PCMTD1: variants seen among roughly 807,000 people sequenced by gnomAD.
PCMTD1 encodes protein-L-isoaspartate (D-aspartate) O-methyltransferase domain containing 1.
In PCMTD1, 12 loss-of-function variants were observed where a neutral mutation model predicts 37.6. The observed-to-expected ratio is 0.32, with a 90% CI of 0.20 to 0.52. The LOEUF (loss-of-function observed/expected upper bound fraction) is 0.52. PCMTD1 is among the 20% of genes least tolerant of loss of function. The probability of loss-of-function intolerance (pLI) is 0.97; values close to 1 mark genes in which losing one functional copy is unlikely to be tolerated. For synonymous variants in PCMTD1, 117 were observed against 135.8 expected (o/e 0.86, Z 0.96); for missense variants, 235 against 421.3 (o/e 0.56, Z 3.87).
At chr8:51,871,073 T>C (rs937164007) in intron 1 of PCMTD1, among the ~76,000 whole-genome samples, 1 of 152,230 alleles carries the variant, frequency 6.6e-6, no homozygotes, top group Non-Finnish European at 1.5e-5. Context: ...CTTTCATTTC[T>C]GTGACAGAAA....
chr8:51,862,951 T>C (rs1289269418), intron 1 of PCMTD1, among the ~76,000 whole-genome samples: 1 of 152,166 alleles, frequency 6.6e-6, no homozygotes, highest in Non-Finnish European at 1.5e-5. Context: ...CAATAGGAGA[T>C]GCCAATTCAC....
At chr8:51,894,232 CTG>C (rs2038971473) in intron 1 of PCMTD1, among the ~76,000 whole-genome samples, 1 of 152,134 alleles carries the variant, frequency 6.6e-6, no homozygotes, top group East Asian at 1.9e-4. Flanking sequence ...TAAAGTAAAA[CTG>C]AAGTTTACAT....
At chr8:51,859,274 C>T in intron 2 of PCMTD1, among the ~76,000 whole-genome samples, 1 of 151,862 alleles carries the variant, frequency 6.6e-6, no homozygotes, top group Non-Finnish European at 1.5e-5. Context: ...TCTCCCTACT[C>T]TCACCTCTAG....
intron 1 of PCMTD1, among the ~76,000 whole-genome samples, chr8:51,882,853 C>T (rs895335721): frequency 2.0e-5 from 3 of 149,530 alleles, no homozygotes; most frequent in African/African-American, 4.9e-5. Context: ...AACGGCCGGA[C>T]GCAGTGGCTC....
At chr8:51,831,024 C>A (rs188650750) in intron 5 of PCMTD1, among the ~76,000 whole-genome samples, 1 of 151,058 alleles carries the variant, frequency 6.6e-6, no homozygotes, top group Non-Finnish European at 1.5e-5. Context: ...AGGCCCAGTG[C>A]GGGTGGCTCA....
At chr8:51,885,031 T>C (rs537108141) in intron 1 of PCMTD1, among the ~76,000 whole-genome samples, 2 of 152,334 alleles carry the variant, frequency 1.3e-5, no homozygotes, top group Admixed American at 6.5e-5. Context: ...CTGCTCAAAT[T>C]ACTGCATGAT....
chr8:51,820,138 C>G lies in PCMTD1; in HGVS notation c.*213G>C. ...TTGAAATCACTCTGAGCTAAAACAA[C>G]ATTTTTCCAAGATTTAAAGAAAAAT... On this transcript the variant is annotated 3_prime_UTR_variant, in exon 6 of 6. Transcript: ENST00000522514. 2.5e-6 allele frequency: 1 copy of G among 394,280 alleles called. No individual in the cohort carries two copies. The highest frequency in any genetic ancestry group is 4.3e-6 in the Non-Finnish European group (1 of 231,208). 24.4% of individuals were successfully genotyped at this position (394,280 alleles called of 1,614,324 possible).
At chr8:51,842,145 C>G (rs554496091) in intron 3 of PCMTD1, among the ~76,000 whole-genome samples, 2 of 152,288 alleles carry the variant, frequency 1.3e-5, no homozygotes, top group East Asian at 1.9e-4. Flanking sequence ...ATACATCAGA[C>G]ATGAAACTTC....
chr8:51,851,290 C>G (rs1284857738), intron 2 of PCMTD1, among the ~76,000 whole-genome samples: 2 of 152,126 alleles, frequency 1.3e-5, no homozygotes, highest in Admixed American at 6.5e-5. Flanking sequence ...CAGTCAATGG[C>G]TATGTAAATG....
At chr8:51,833,734 A>G in intron 3 of PCMTD1, 45 bp from the exon 4 acceptor site, 1 of 1,538,754 alleles carries the variant, frequency 6.5e-7, no homozygotes, top group South Asian at 1.2e-5. Flanking sequence ...GCAAAACATT[A>G]GATCTAAAAA....
chr8:51,856,137 T>C (rs1387228398), intron 2 of PCMTD1, among the ~76,000 whole-genome samples: 1 of 152,114 alleles, frequency 6.6e-6, no homozygotes, highest in Non-Finnish European at 1.5e-5. Context: ...GATAAAGACT[T>C]ATATCCAAAA....
rs1477096339 is a variant in PCMTD1, at chr8:51,851,687, C to T, written c.308-5924G>A. Among the ~76,000 whole-genome samples, 25 of 147,970 alleles carry T rather than the reference C, an allele frequency of 1.7e-4. 1 individual carries two copies. Among genetic ancestry groups the T allele is most frequent in the Non-Finnish European group, 1.0e-4 (7 of 67,372 alleles). ...TTTTTTTTTTTGAGATGGAGTTTTG[C>T]GCTTATTACCCAGGCTGGAGTGCAA... is the stretch of plus-strand genomic sequence containing the variant. On this transcript the variant is annotated intron_variant, in intron 2 of 5. Transcript: ENST00000522514.
chr8:51,860,467 C>A, intron 2 of PCMTD1: 1 of 167,472 alleles, frequency 6.0e-6, no homozygotes, highest in South Asian at 1.6e-4. Flanking sequence ...ATCCCACATT[C>A]TCCTGTCTCT....
chr8:51,875,797 T>C (rs1204795852), intron 1 of PCMTD1, among the ~76,000 whole-genome samples: 1 of 152,096 alleles, frequency 6.6e-6, no homozygotes, highest in Non-Finnish European at 1.5e-5. Context: ...CCAGGCATGG[T>C]GGCACATACC....
chr8:51,889,865 CGTGTGTGTGT>C (rs3075018), intron 1 of PCMTD1, among the ~76,000 whole-genome samples: 26 of 149,126 alleles, frequency 1.7e-4, no homozygotes, highest in South Asian at 4.3e-4. Flanking sequence ...TAAGGATATA[CGTGTGTGTGT>C]GTGTGTGTGT....
At chr8:51,873,660 T>G (rs1268384188) in intron 1 of PCMTD1, among the ~76,000 whole-genome samples, 1 of 151,838 alleles carries the variant, frequency 6.6e-6, no homozygotes, top group Non-Finnish European at 1.5e-5. Flanking sequence ...TGATAGGGAG[T>G]GAGTTCTCCT....
At chr8:51,884,324 G>C (rs192395624) in intron 1 of PCMTD1, among the ~76,000 whole-genome samples, 1 of 152,286 alleles carries the variant, frequency 6.6e-6, no homozygotes, top group African/African-American at 2.4e-5. Context: ...GAGAATACCG[G>C]AAGCAAGCAG....
chr8:51,889,865 C>CGTGTGTGT (rs3075018), intron 1 of PCMTD1, among the ~76,000 whole-genome samples: 7 of 149,132 alleles, frequency 4.7e-5, no homozygotes, highest in South Asian at 2.1e-4. Context: ...TAAGGATATA[C>CGTGTGTGT]GTGTGTGTGT....
intron 1 of PCMTD1, among the ~76,000 whole-genome samples, chr8:51,868,180 G>C (rs200860266): frequency 6.6e-6 from 1 of 151,976 alleles, no homozygotes; most frequent in Non-Finnish European, 1.5e-5. Flanking sequence ...GGTGTGGGGG[G>C]GTGTGGGAGA....
Sources: gnomAD v4.1 joint callset for allele counts (sites outside exome capture counted in the v4.1 genomes callset) on GRCh38, gnomAD v4.1.1 for gene constraint, MANE v1.5 for transcripts, NCBI Gene and HGNC (gene_info 2026-07-23, HGNC 2026-07-21) for gene names.